The following DENND4A variants were observed in gnomAD, a reference collection of about 807,000 sequenced individuals.
The protein encoded by DENND4A is DENN domain containing 4A, also known as C-myc promoter-binding protein.
DENND4A carries 70 observed loss-of-function variants against 199.3 expected under a neutral mutation model. That is an observed-to-expected ratio of 0.35 (90% CI 0.29 to 0.43). DENND4A has a LOEUF of 0.43. DENND4A is among the 20% of genes least tolerant of loss of function. The probability of loss-of-function intolerance (pLI) is 1.00; values close to 1 mark genes in which losing one functional copy is unlikely to be tolerated. For missense variants in DENND4A, 1,723 were observed against 2,255.8 expected, an observed-to-expected ratio of 0.76 and a Z score of 4.78; for synonymous variants, 686 against 766.9, an observed-to-expected ratio of 0.89 and a Z score of 1.74.
At chr15:65,700,410 AT>A (rs1427785267) in intron 20 of DENND4A, 133 bp downstream of exon 20, 5 of 368,728 alleles carry the variant, frequency 1.4e-5, no homozygotes, top group African/African-American at 2.1e-5. Flanking sequence ...CTAATATCAA[AT>A]AAAATACATA....
chr15:65,783,497 G>C (rs971031416), intron 1 of DENND4A, among the ~76,000 whole-genome samples: 1 of 152,118 alleles, frequency 6.6e-6, no homozygotes, highest in African/African-American at 2.4e-5. Flanking sequence ...CACTGAAAAG[G>C]CCTAGAAGTC....
At chr15:65,784,426 C>A (rs897607006) in intron 1 of DENND4A, among the ~76,000 whole-genome samples, 2 of 150,912 alleles carry the variant, frequency 1.3e-5, no homozygotes, top group Non-Finnish European at 2.9e-5. Context: ...ATGTCAGACA[C>A]TGGCAACATG....
chr15:65,668,235 GT>G, intron 27 of DENND4A, 112 bp from the exon 28 acceptor site: 1 of 797,786 alleles, frequency 1.3e-6, no homozygotes, highest in Non-Finnish European at 1.9e-6. Flanking sequence ...TTAAGACAGA[GT>G]CTTGCTCTGT....
At position 65,690,814 on chromosome 15, in the gene DENND4A, G is replaced by C. The variant is rs2076945684; in HGVS notation, c.3780C>G (p.Ser1260Arg). ...EEIVMYMNNMSSPLTSRTPSI... is the reference protein window; with the variant it reads ...EEIVMYMNNMRSPLTSRTPSI... ...TTGGTGTACGACTTGTCAAAGGACT[G>C]CTCATGTTATTCATATACATCACAA... Residue 1260 changes from serine (S) to arginine (R), a missense_variant, in exon 23 of 33, where the codon AGC (serine) becomes AGG (arginine). Coordinates refer to ENST00000443035, the MANE Select transcript of DENND4A (RefSeq NM_001320835.1). 1 of 1,613,312 alleles carries C rather than the reference G, an allele frequency of 6.2e-7. No individual in the cohort carries two copies. Among genetic ancestry groups the C allele is most frequent in the Admixed American group, 1.7e-5 (1 of 59,892 alleles).
chr15:65,753,657 C>T (rs937809799), intron 3 of DENND4A, among the ~76,000 whole-genome samples: 3 of 152,076 alleles, frequency 2.0e-5, no homozygotes, highest in Non-Finnish European at 4.4e-5. Context: ...CTGTGCCTAG[C>T]TACAAATTAA....
chr15:65,728,880 A>G, intron 11 of DENND4A, 192 bp downstream of exon 11: 1 of 640,928 alleles, frequency 1.6e-6, no homozygotes, highest in Non-Finnish European at 2.8e-6. Context: ...TTCCAACAAA[A>G]CCTTCTTTAA....
intron 12 of DENND4A, among the ~76,000 whole-genome samples, chr15:65,718,344 G>A (rs1256739623): frequency 6.6e-6 from 1 of 152,082 alleles, no homozygotes; most frequent in Non-Finnish European, 1.5e-5. Flanking sequence ...GAGAGATTCT[G>A]TCTTTACAAA....
chr15:65,782,333 G>A (rs1451671145), intron 1 of DENND4A, among the ~76,000 whole-genome samples: 2 of 152,012 alleles, frequency 1.3e-5, no homozygotes, highest in African/African-American at 4.8e-5. Context: ...CTTCTTGCTT[G>A]TCCAGCGTCA....
At position 65,706,205 on chromosome 15, in the gene DENND4A, C is replaced by A; in HGVS notation, c.1973G>T (p.Gly658Val). The A allele has an allele frequency of 1.3e-6, 2 of 1,576,984 alleles. No homozygotes were observed. Among genetic ancestry groups the A allele is most frequent in the Non-Finnish European group, 8.6e-7 (1 of 1,161,464 alleles). The change falls in exon 15 of 33, where the codon GGT becomes GTT. Residue 658 changes from glycine to valine, a missense_variant. Gly to Val is a moderately radical substitution (Grantham distance 109, BLOSUM62 -3). Coordinates refer to ENST00000443035, the MANE Select transcript of DENND4A (RefSeq NM_001320835.1). Reference sequence around the variant, plus strand: ...ATCCAGTTCTATAAGTCGTACTTCACCGCTCTTGTCCATATCCACCTAAAG... The same window carrying A: ...ATCCAGTTCTATAAGTCGTACTTCAACGCTCTTGTCCATATCCACCTAAAG... The part of the protein sequence containing the change: ...CVDKVDMDKS[G>V]EVRLIELDES...
In DENND4A at chr15:65,717,916, T is replaced by C; in HGVS notation, c.1669A>G (p.Met557Val). ...GCCTCTTGGATTTCCAAATCTATCA[T>C]GTGCAACCTCTTTCCAGAATTAAAA... ...YDFNSGKRLHMIDLEIQEAFL... is the reference protein window; with the variant it reads ...YDFNSGKRLHVIDLEIQEAFL... The change falls in exon 13 of 33, where the codon ATG becomes GTG. Residue 557 changes from methionine to valine, a missense_variant. Around this residue, in one of 6 missense-constraint regions of DENND4A, gnomAD observed 725 missense variants for 952.9 expected, o/e 0.76. Coordinates refer to ENST00000443035, the MANE Select transcript of DENND4A (RefSeq NM_001320835.1). 6.2e-7 allele frequency: 1 copy of C among 1,609,652 alleles called. No homozygotes were observed. Among genetic ancestry groups the C allele is most frequent in the African/African-American group, 1.3e-5 (1 of 75,002 alleles).
At chr15:65,729,887 G>A (rs1180422134) in intron 9 of DENND4A, among the ~76,000 whole-genome samples, 1 of 152,154 alleles carries the variant, frequency 6.6e-6, no homozygotes, top group Non-Finnish European at 1.5e-5. Context: ...TGAAAACAAT[G>A]CAGTTTTAGG....
chr15:65,741,448 TCTG>T (rs1184315404), intron 5 of DENND4A, among the ~76,000 whole-genome samples: 1 of 152,224 alleles, frequency 6.6e-6, no homozygotes, highest in African/African-American at 2.4e-5. Context: ...TTACCATATT[TCTG>T]CTGATTTAAA....
At chr15:65,751,468 T>C (rs572527011) in intron 4 of DENND4A, among the ~76,000 whole-genome samples, 1 of 152,286 alleles carries the variant, frequency 6.6e-6, no homozygotes, top group East Asian at 1.9e-4. Context: ...AAGTCCAGAT[T>C]AGACAAATTT....
At chr15:65,712,934 G>A (rs2075292007) in intron 14 of DENND4A, among the ~76,000 whole-genome samples, 1 of 152,062 alleles carries the variant, frequency 6.6e-6, no homozygotes, top group Non-Finnish European at 1.5e-5. Context: ...CACAGTATAA[G>A]TAACTTCTTC....
intron 12 of DENND4A, among the ~76,000 whole-genome samples, chr15:65,718,872 C>T (rs534217585): frequency 5.4e-5 from 8 of 148,764 alleles, no homozygotes; most frequent in Non-Finnish European, 1.0e-4. Flanking sequence ...CCCTACCTCC[C>T]GGGCTCCAGA....
intron 23 of DENND4A, among the ~76,000 whole-genome samples, chr15:65,686,162 C>A (rs1361517108): frequency 6.6e-6 from 1 of 152,182 alleles, no homozygotes; most frequent in Non-Finnish European, 1.5e-5. Flanking sequence ...ATGAACATGG[C>A]ATGTCTCTCC....
At chr15:65,711,981 C>T (rs775628897) in intron 14 of DENND4A, among the ~76,000 whole-genome samples, 15 of 152,212 alleles carry the variant, frequency 9.9e-5, no homozygotes, top group African/African-American at 2.6e-4. Flanking sequence ...AAATTTAACA[C>T]GTATTTATAG....
intron 22 of DENND4A, among the ~76,000 whole-genome samples, chr15:65,693,948 T>C (rs1335862579): frequency 1.3e-5 from 2 of 152,002 alleles, no homozygotes; most frequent in Non-Finnish European, 2.9e-5. Context: ...ATACTGTCTA[T>C]TAGGCAGTAA....
Position 65,756,470 on chromosome 15 carries a change from C to T in DENND4A, c.-20G>A, listed in dbSNP as rs750984061. 5.7e-6 allele frequency: 9 copies of T among 1,574,434 alleles called. No homozygotes were observed. Among genetic ancestry groups the T allele is most frequent in the Non-Finnish European group, 6.9e-6 (8 of 1,164,308 alleles). ...AATCATCTTCCATTACAGAAGGTTA[C>T]ATCTAAAAGGAAAGTAAAAGACTAG... On this transcript the variant is annotated splice_region_variant and 5_prime_UTR_variant, in exon 3 of 33. An upstream start codon of the reference 5' UTR is lost. Transcript: ENST00000443035.
Sources: gnomAD v4.1 joint callset for allele counts (sites outside exome capture counted in the v4.1 genomes callset) on GRCh38, gnomAD v4.1.1 for gene constraint, gnomAD v4.1.1 regional missense constraint, MANE v1.5 for transcripts, NCBI Gene and HGNC (gene_info 2026-07-23, HGNC 2026-07-21) for gene names.